KCNN4: variants seen among roughly 807,000 people sequenced by gnomAD.
KCNN4 encodes the protein intermediate conductance calcium-activated potassium channel protein 4.
Under a neutral mutation model 45.2 loss-of-function variants are expected in KCNN4, and 31 were observed. The ratio of observed to expected loss-of-function variants is 0.69; its 90% CI spans 0.52 to 0.92. The LOEUF (loss-of-function observed/expected upper bound fraction) is 0.92, where lower values mean the gene tolerates loss of function less well. KCNN4 is among the 40% of genes least tolerant of loss of function. The pLI, the probability that KCNN4 is intolerant of heterozygous loss-of-function variation, is 0.00. For synonymous variants in KCNN4, 231 were observed against 254.6 expected (o/e 0.91, Z 0.88); for missense variants, 463 against 574.0 (o/e 0.81, Z 1.98).
At chr19:43,776,294 C>T (rs1330487163) in intron 2 of KCNN4, among the ~76,000 whole-genome samples, 2 of 151,630 alleles carry the variant, frequency 1.3e-5, no homozygotes, top group Non-Finnish European at 2.9e-5. Flanking sequence ...GCTGCAAGGG[C>T]ACTCTCAGCA....
At position 43,769,623 on chromosome 19, in the gene KCNN4, A is replaced by C; in HGVS notation, c.931-63T>G. On this transcript the variant is annotated intron_variant, in intron 5 of 8. Coordinates refer to ENST00000648319, the MANE Select transcript of KCNN4 (RefSeq NM_002250.3). The surrounding 1 kb of genome is among the most constrained non-coding windows in gnomAD (Gnocchi z 4.4). ...CTTACGGTTCTGGGAAGGCAGGGCT[A>C]GGGCTGGGACTCTTGGGTCCTAGGG... The C allele has an allele frequency of 6.3e-7, 1 of 1,575,870 alleles. No individual in the cohort carries two copies. The highest frequency in any genetic ancestry group is 8.7e-7 in the Non-Finnish European group (1 of 1,145,472).
intron 4 of KCNN4, among the ~76,000 whole-genome samples, chr19:43,770,916 A>C (rs1969625691): frequency 6.6e-6 from 1 of 152,130 alleles, no homozygotes. Flanking sequence ...TCCCTAACTG[A>C]GTCTCTGCCC....
chr19:43,767,504 C>T lies in KCNN4; in HGVS notation c.*3+36G>A, dbSNP rs1322739209. The T allele has an allele frequency of 5.0e-6, 8 of 1,601,362 alleles. No homozygotes were observed. In the South Asian group the frequency reaches 8.9e-5, roughly 18 times the overall value. ...GTGCTGGCCACAGGAACCCTTCCTCCAGGATGCCTTCCTGCCCAAGTCCCA... is the reference window on the plus strand; with the variant it reads ...GTGCTGGCCACAGGAACCCTTCCTCTAGGATGCCTTCCTGCCCAAGTCCCA... On this transcript the variant is annotated intron_variant, in intron 8 of 8. Transcript: ENST00000648319.
chr19:43,776,934 T>TA (rs959663234), intron 1 of KCNN4: 7 of 274,918 alleles, frequency 2.5e-5, no homozygotes, highest in East Asian at 7.1e-5. Context: ...CAGTCTCTAC[T>TA]AAAAAAACAA....
rs1157634189 is a variant in KCNN4, at chr19:43,769,686, G to A, written c.930+33C>T. On this transcript the variant is annotated intron_variant, in intron 5 of 8. Transcript: ENST00000648319. This position sits in a 1 kb window ranked among gnomAD's most constrained non-coding sequence, Gnocchi z 4.4. ...CCTGGACTCCTGCTTCTTGGAAGAGGGGTGTCCCATGGGTGCCATATGCCC... is the reference window on the plus strand; with the variant it reads ...CCTGGACTCCTGCTTCTTGGAAGAGAGGTGTCCCATGGGTGCCATATGCCC... The A allele has an allele frequency of 1.3e-6, 2 of 1,577,636 alleles. No homozygotes were observed. The highest frequency in any genetic ancestry group is 2.2e-5 in the East Asian group (1 of 44,658).
rs1468130646 is a variant in KCNN4, at chr19:43,768,973, T to A, written c.1109A>T (p.Asp370Val). Residue 370 changes from aspartate (D) to valine (V), a missense_variant, in exon 7 of 9, where the codon GAC becomes GTC. By Grantham distance (152) the Asp-to-Val change is radical (BLOSUM62 -3). This residue lies in a region of KCNN4 where 129 missense variants were observed against 149.4 expected (regional missense o/e 0.86). Transcript: ENST00000648319. ...KLREQVNSMV[D>V]ISKMHMILYD... ...ACGGGATCCTAGTACCTTGGAGATG[T>A]CCACCATGGAGTTCACTTGTTCCCG... 3 of 1,614,146 alleles carry A rather than the reference T, an allele frequency of 1.9e-6. No homozygotes were observed. Among genetic ancestry groups the A allele is most frequent in the Non-Finnish European group, 2.5e-6 (3 of 1,179,990 alleles).
In KCNN4 at chr19:43,774,585, C is replaced by T. The variant is rs1014277373; in HGVS notation, c.290G>A (p.Arg97His). 3.3e-6 allele frequency: 5 copies of T among 1,522,892 alleles called. No homozygotes were observed. The highest frequency in any genetic ancestry group is 4.4e-6 in the Non-Finnish European group (5 of 1,145,714). The allele number at this position is 1,522,892 out of a possible 1,614,324, so 94.3% of individuals were successfully genotyped here. The change falls in exon 3 of 9, where the codon CGC (arginine) becomes CAC (histidine). Residue 97 changes from arginine to histidine, a missense_variant. Arg to His is a conservative substitution (Grantham distance 29). Coordinates refer to ENST00000648319, the MANE Select transcript of KCNN4 (RefSeq NM_002250.3). This position sits in a 1 kb window ranked among gnomAD's most constrained non-coding sequence, Gnocchi z 5.6. ...CGCCTGCCGCCCGGTCAGCGCCACG[C>T]GCCAGTCCCGCAGCCCGTTGTCGGT... ...FMTDNGLRDW[R>H]VALTGRQAAQ... is the part of the protein sequence containing the mutation.
chr19:43,777,662 G>T (rs1202542860), intron 1 of KCNN4, among the ~76,000 whole-genome samples: 2 of 146,590 alleles, frequency 1.4e-5, no homozygotes, highest in Admixed American at 6.8e-5. Flanking sequence ...AAACCACGGA[G>T]AAATTGTTCC....
intron 1 of KCNN4, among the ~76,000 whole-genome samples, chr19:43,777,626 T>A (rs1295249163): frequency 1.3e-5 from 2 of 151,068 alleles, no homozygotes. Context: ...CCAGGGCAGA[T>A]CTGGCCGGAA....
chr19:43,773,684 T>C (rs748246464), intron 3 of KCNN4, among the ~76,000 whole-genome samples: 2 of 152,214 alleles, frequency 1.3e-5, no homozygotes, highest in African/African-American at 2.4e-5. Flanking sequence ...GGTTACACAG[T>C]ATCTAGCTGG....
At chr19:43,768,692 C>G (rs1023906034) in intron 7 of KCNN4, among the ~76,000 whole-genome samples, 5 of 151,424 alleles carry the variant, frequency 3.3e-5, no homozygotes, top group African/African-American at 1.2e-4. Context: ...ATGTAAGTAA[C>G]TTAACAATAA....
intron 1 of KCNN4, 28 bp downstream of exon 1, chr19:43,780,675 C>T: frequency 6.2e-7 from 1 of 1,604,462 alleles, no homozygotes; most frequent in South Asian, 1.1e-5. Context: ...CTAGGAGTCC[C>T]AGCTCCCAGC....
At chr19:43,780,072 T>G (rs547491590) in intron 1 of KCNN4, among the ~76,000 whole-genome samples, 1 of 152,088 alleles carries the variant, frequency 6.6e-6, no homozygotes, top group South Asian at 2.1e-4. Context: ...TGCCGCCTAC[T>G]GGAAGAACTT....
chr19:43,776,127 CAAAAAAAAAAAAAA>C (rs59704354), intron 2 of KCNN4, among the ~76,000 whole-genome samples: 2 of 40,966 alleles, frequency 4.9e-5, no homozygotes, highest in African/African-American at 2.0e-4. Flanking sequence ...GACCTTGTCT[CAAAAAAAAAAAAAA>C]AAAAAAAAAA....
At chr19:43,770,895 G>A (rs1422240606) in intron 4 of KCNN4, among the ~76,000 whole-genome samples, 10 of 152,160 alleles carry the variant, frequency 6.6e-5, no homozygotes, top group Non-Finnish European at 1.2e-4. Context: ...GGTCCTGAGC[G>A]GTGCTGCAGG....
rs1382584481 is a variant in KCNN4, at chr19:43,774,780, A to C, written c.256-161T>G. On this transcript the variant is annotated intron_variant, in intron 2 of 8. Coordinates refer to ENST00000648319, the MANE Select transcript of KCNN4 (RefSeq NM_002250.3). The surrounding 1 kb of genome is among the most constrained non-coding windows in gnomAD (Gnocchi z 5.6). ...AGGGATAGGGAGGGAGCGGGACAGGACTTGAGGAAGACATCTTTCCACTTT... is the reference window on the plus strand; with the variant it reads ...AGGGATAGGGAGGGAGCGGGACAGGCCTTGAGGAAGACATCTTTCCACTTT... Among the ~76,000 whole-genome samples, 1 of 152,076 alleles carries C rather than the reference A, an allele frequency of 6.6e-6. No individual in the cohort carries two copies. The highest frequency in any genetic ancestry group is 1.5e-5 in the Non-Finnish European group (1 of 67,980).
Position 43,769,712 on chromosome 19 carries a change from A to G in KCNN4, c.930+7T>C. The G allele has an allele frequency of 7.4e-6, 11 of 1,494,140 alleles. No individual in the cohort carries two copies. Among genetic ancestry groups the G allele is most frequent in the Non-Finnish European group, 1.0e-5 (11 of 1,071,220 alleles). The allele number at this position is 1,494,140 out of a possible 1,614,324, so 92.6% of individuals were successfully genotyped here. The stretch of plus-strand genomic sequence containing the variant: ...GGTGTCCCATGGGTGCCATATGCCC[A>G]TCTCACCTCTTTGGTATACTGGATA... On this transcript the variant is annotated splice_region_variant and intron_variant, in intron 5 of 8. Coordinates refer to ENST00000648319, the MANE Select transcript of KCNN4 (RefSeq NM_002250.3). The surrounding 1 kb of genome is among the most constrained non-coding windows in gnomAD (Gnocchi z 4.4).
intron 7 of KCNN4, 139 bp downstream of exon 7, chr19:43,768,824 T>C: frequency 1.3e-6 from 1 of 744,700 alleles, no homozygotes; most frequent in Non-Finnish European, 2.4e-6. Context: ...CCTTCCTTCC[T>C]TCATTCAACC....
rs56411302 is a variant in KCNN4 at position 43,776,869 on chromosome 19, A to C, written c.160-233T>G. On this transcript the variant is annotated intron_variant, in intron 1 of 8. Coordinates refer to ENST00000648319, the MANE Select transcript of KCNN4 (RefSeq NM_002250.3). ...TCCCAACACTCTGGGAGGCTGAGGC[A>C]GGTGGATCACCGAAGGTCGGGAGTT... 1,275 of 467,852 alleles carry C rather than the reference A, an allele frequency of 2.7e-3. 10 individuals are homozygous for C. The highest frequency in any genetic ancestry group is 0.022 in the African/African-American group (1,135 of 51,354). 29.0% of individuals were successfully genotyped at this position (467,852 alleles called of 1,614,324 possible). A position where few individuals can be genotyped will look rare whatever the true frequency, so the allele number is the denominator to read the frequency against.
Sources: allele counts gnomAD v4.1 joint callset (sites outside exome capture counted in the v4.1 genomes callset), GRCh38; gene constraint gnomAD v4.1.1; regional missense constraint gnomAD v4.1.1; non-coding constraint Gnocchi (gnomAD v3.1); transcripts MANE v1.5; gene names NCBI Gene and HGNC (gene_info 2026-07-23, HGNC 2026-07-21).